Variants in OIP5 observed in about 807,000 individuals in gnomAD.
OIP5 encodes Opa interacting protein 5.
A neutral mutation model predicts 20.3 loss-of-function variants in OIP5; 24 were observed. That is an observed-to-expected ratio of 1.18 (90% confidence interval 0.86 to 1.66). The LOEUF (loss-of-function observed/expected upper bound fraction) is 1.66. Among genes scored for constraint, OIP5 ranks in the 40% most tolerant of loss-of-function variants. The probability of loss-of-function intolerance (pLI) is 0.00; values close to 1 mark genes in which losing one functional copy is unlikely to be tolerated. For missense variants in OIP5, 339 were observed against 289.5 expected (o/e 1.17, Z -1.24); for synonymous variants, 143 against 121.3 (o/e 1.18, Z -1.17).
Position 41,309,671 on chromosome 15 carries a change from C to T in OIP5, c.*83G>A. ...TTTCCCCTCCATTCTTGAAGCCAAT[C>T]TTTTTCAAGAAATGACTAAGCAGCA... On this transcript the variant is annotated 3_prime_UTR_variant, in exon 5 of 5. Transcript: ENST00000220514. 1.1e-6 allele frequency: 1 copy of T among 875,132 alleles called. No homozygotes were observed. Among genetic ancestry groups the T allele is most frequent in the Non-Finnish European group, 1.8e-6 (1 of 554,496 alleles). 54.2% of individuals were successfully genotyped at this position (875,132 alleles called of 1,614,324 possible).
chr15:41,312,936 TTAA>T (rs1422762913), intron 4 of OIP5, among the ~76,000 whole-genome samples: 1 of 152,202 alleles, frequency 6.6e-6, no homozygotes, highest in African/African-American at 2.4e-5. Context: ...CCAGGAATTC[TTAA>T]TAACTGTTTC....
At chr15:41,331,160 A>G (rs2047903966) in intron 2 of OIP5, among the ~76,000 whole-genome samples, 1 of 152,210 alleles carries the variant, frequency 6.6e-6, no homozygotes, top group Non-Finnish European at 1.5e-5. Context: ...GAATTGTCTC[A>G]ATGTTAAAGC....
intron 3 of OIP5, among the ~76,000 whole-genome samples, chr15:41,313,916 G>A (rs922646104): frequency 5.3e-5 from 8 of 152,004 alleles, no homozygotes; most frequent in Admixed American, 5.3e-4. Context: ...AATTGGAGAG[G>A]ATCTCTGCCG....
Position 41,319,763 on chromosome 15 carries a change from A to T in OIP5, c.407T>A (p.Phe136Tyr). The T allele has an allele frequency of 6.2e-7, 1 of 1,613,132 alleles. No homozygotes were observed. The highest frequency in any genetic ancestry group is 1.3e-5 in the African/African-American group (1 of 74,988). ...AACGGGAATCCCACAAGAACCACAG[A>T]ATAAAAGGTTGTAAGTACTAGGGGT... is the stretch of plus-strand genomic sequence containing the variant. Reference protein sequence around the residue: ...SLKGSTYNLLFCGSCGIPVGF... With the variant: ...SLKGSTYNLLYCGSCGIPVGF... Residue 136 changes from phenylalanine to tyrosine, a missense_variant, in exon 3 of 5, where the codon TTC becomes TAC. By Grantham distance (22) the Phe-to-Tyr change is conservative (BLOSUM62 3). Coordinates refer to ENST00000220514, the MANE Select transcript of OIP5 (RefSeq NM_007280.2).
chr15:41,324,541 G>A (rs1295436011), intron 2 of OIP5, among the ~76,000 whole-genome samples: 1 of 152,094 alleles, frequency 6.6e-6, no homozygotes, highest in African/African-American at 2.4e-5. Context: ...CCAAGGTGGA[G>A]TGCAATGGTG....
At position 41,332,530 on chromosome 15, in the gene OIP5, C is replaced by G. The variant is rs370713618; in HGVS notation, c.32G>C (p.Arg11Pro). ...GTCCCCCCGGGGCGGCGTTGCACAA[C>G]GTGAGCGATGCCGCAGCGGCTGAGC... The part of the protein sequence containing the change: MAAQPLRHRS[R>P]CATPPRGDFC... Residue 11 changes from arginine to proline, a missense_variant, in exon 1 of 5, where the codon CGT becomes CCT. Arg to Pro is a moderately radical substitution (Grantham distance 103). Coordinates refer to ENST00000220514, the MANE Select transcript of OIP5 (RefSeq NM_007280.2). 6.2e-7 allele frequency: 1 copy of G among 1,611,380 alleles called. No individual in the cohort carries two copies. Among genetic ancestry groups the G allele is most frequent in the Admixed American group, 1.7e-5 (1 of 59,122 alleles).
chr15:41,313,909 T>G (rs1290967917), intron 3 of OIP5, among the ~76,000 whole-genome samples: 2 of 152,014 alleles, frequency 1.3e-5, no homozygotes. Context: ...ATAAACAAAT[T>G]GGAGAGGATC....
At chr15:41,318,762 A>C in intron 3 of OIP5, among the ~76,000 whole-genome samples, 1 of 149,194 alleles carries the variant, frequency 6.7e-6, no homozygotes, top group African/African-American at 2.5e-5. Flanking sequence ...TGGTATGATC[A>C]CAGCAAAATG....
At chr15:41,330,693 A>G (rs113174803) in intron 2 of OIP5, among the ~76,000 whole-genome samples, 86 of 152,234 alleles carry the variant, frequency 5.6e-4, no homozygotes, top group African/African-American at 1.8e-3. Context: ...GTGAGCCACC[A>G]CGCCCGGCCC....
intron 2 of OIP5, among the ~76,000 whole-genome samples, chr15:41,329,072 A>C (rs1247010651): frequency 2.2e-5 from 2 of 89,536 alleles, no homozygotes; most frequent in Non-Finnish European, 5.3e-5. Context: ...TCAAAAAAAA[A>C]AAAAAAAAAA....
Position 41,325,029 on chromosome 15 carries a change from T to C in OIP5, c.390-5249A>G, listed in dbSNP as rs148803216. ...GTTTGCTATCTTCAATGGGTGCGGT[T>C]TGTGGCATCCCACAATTACAATAGT... On this transcript the variant is annotated intron_variant, in intron 2 of 4. Transcript: ENST00000220514. Among the ~76,000 whole-genome samples the C allele has an allele frequency of 5.3e-5, 8 of 152,278 alleles. No homozygotes were observed. In the East Asian group the frequency reaches 1.3e-3, roughly 26 times the overall value.
chr15:41,328,365 C>T (rs1382091115), intron 2 of OIP5, among the ~76,000 whole-genome samples: 1 of 152,142 alleles, frequency 6.6e-6, no homozygotes, highest in African/African-American at 2.4e-5. Context: ...TTGATAAGTG[C>T]TCTAGTTTAG....
intron 3 of OIP5, among the ~76,000 whole-genome samples, chr15:41,319,053 T>C (rs1461667409): frequency 3.3e-5 from 5 of 151,864 alleles, no homozygotes; most frequent in Middle Eastern, 3.4e-3. Flanking sequence ...ATCTTTTTGG[T>C]ACAAACACTT....
intron 3 of OIP5, among the ~76,000 whole-genome samples, chr15:41,315,106 A>G (rs896610313): frequency 5.9e-5 from 9 of 151,386 alleles, no homozygotes; most frequent in Admixed American, 5.9e-4. Flanking sequence ...TCTCAAAAAA[A>G]AAAAAAAAAA....
intron 2 of OIP5, among the ~76,000 whole-genome samples, chr15:41,321,975 AAG>A (rs987642398): frequency 1.3e-5 from 2 of 152,140 alleles, no homozygotes; most frequent in Admixed American, 6.5e-5. Context: ...CGCAGACTAA[AAG>A]AGAAAGAAAA....
chr15:41,327,961 A>G (rs1263441000), intron 2 of OIP5, among the ~76,000 whole-genome samples: 1 of 151,926 alleles, frequency 6.6e-6, no homozygotes, highest in East Asian at 1.9e-4. Flanking sequence ...TTAGCTGGGC[A>G]TGGTGGTGCA....
chr15:41,309,656 A>G lies in OIP5; in HGVS notation c.*98T>C, dbSNP rs1595497127. 2 of 762,848 alleles carry G rather than the reference A, an allele frequency of 2.6e-6. No homozygotes were observed. Among genetic ancestry groups the G allele is most frequent in the East Asian group, 5.3e-5 (2 of 37,402 alleles). The allele number at this position is 762,848 out of a possible 1,614,324, so 47.3% of individuals were successfully genotyped here. On this transcript the variant is annotated 3_prime_UTR_variant, in exon 5 of 5. Coordinates refer to ENST00000220514, the MANE Select transcript of OIP5 (RefSeq NM_007280.2). ...TAAATAGAAACTGCATTTCCCCTCC[A>G]TTCTTGAAGCCAATCTTTTTCAAGA... is the stretch of plus-strand genomic sequence containing the variant.
intron 4 of OIP5, among the ~76,000 whole-genome samples, chr15:41,312,268 T>C (rs1394843038): frequency 6.6e-6 from 1 of 151,510 alleles, no homozygotes; most frequent in African/African-American, 2.4e-5. Flanking sequence ...TTCAAGTGCT[T>C]CTCCTGTCTC....
rs1176038387 is a variant in OIP5 at position 41,332,325 on chromosome 15, C to G, written c.237G>C (p.Gln79His). ...CGAGCACTGCGTGACACTGTGCGCA[C>G]TGGAACACAGCGCACCTCTCAGGCT... ...WLQPERCAVF[Q>H]CAQCHAVLAD... The change falls in exon 1 of 5, where the codon CAG becomes CAC. Residue 79 changes from glutamine (Q) to histidine (H), a missense_variant. By Grantham distance (24) the Gln-to-His change is conservative. Transcript: ENST00000220514. The G allele has an allele frequency of 6.2e-6, 10 of 1,610,570 alleles. No homozygotes were observed. In the Middle Eastern group the frequency reaches 1.5e-3, roughly 239 times the overall value.
Sources: gnomAD v4.1 joint callset for allele counts (sites outside exome capture counted in the v4.1 genomes callset) on GRCh38, gnomAD v4.1.1 for gene constraint, MANE v1.5 for transcripts, NCBI Gene and HGNC (gene_info 2026-07-23, HGNC 2026-07-21) for gene names.